The following RAB1A variants were observed in gnomAD, a reference collection of about 807,000 sequenced individuals.
RAB1A encodes RAB1A, member RAS oncogene family.
In RAB1A, 2 loss-of-function variants were observed where a neutral mutation model predicts 26.0. The observed-to-expected ratio is 0.08, with a 90% CI of 0.03 to 0.24. RAB1A has a LOEUF of 0.24. RAB1A is among the 10% of genes least tolerant of loss of function. RAB1A has a pLI of 1.00. For missense variants in RAB1A, 100 were observed against 247.0 expected (o/e 0.40, Z 3.99); for synonymous variants, 84 against 84.9 (o/e 0.99, Z 0.06).
intron 2 of RAB1A, among the ~76,000 whole-genome samples, chr2:65,104,122 G>A (rs1236891561): frequency 1.3e-5 from 2 of 152,136 alleles, no homozygotes; most frequent in South Asian, 2.1e-4. Context: ...GACTATGAAG[G>A]ACACTGTGGA....
chr2:65,115,017 T>C (rs998882174), intron 1 of RAB1A, among the ~76,000 whole-genome samples: 11 of 152,186 alleles, frequency 7.2e-5, no homozygotes, highest in African/African-American at 2.7e-4. Flanking sequence ...AGCCCCTTCT[T>C]GCTCTCTGTC....
At position 65,097,952 on chromosome 2, in the gene RAB1A, T is replaced by A; in HGVS notation, c.192+19A>T. 1 of 1,407,524 alleles carries A rather than the reference T, an allele frequency of 7.1e-7. No homozygotes were observed. The highest frequency in any genetic ancestry group is 9.7e-7 in the Non-Finnish European group (1 of 1,034,962). The allele number at this position is 1,407,524 out of a possible 1,614,324, so 87.2% of individuals were successfully genotyped here. A position where few individuals can be genotyped will look rare whatever the true frequency, so the allele number is the denominator to read the frequency against. On this transcript the variant is annotated intron_variant, in intron 3 of 5. Transcript: ENST00000409784. ...TTACCAAAATAAATTTCAAAAAAAT[T>A]ACTAGCCAAGTCACTTACTATTTGA... is the stretch of plus-strand genomic sequence containing the variant.
In RAB1A at chr2:65,119,092, T is replaced by C. The variant is rs1197432182; in HGVS notation, c.23+10801A>G. On this transcript the variant is annotated intron_variant, in intron 1 of 5. Transcript: ENST00000409784. The stretch of plus-strand genomic sequence containing the variant: ...CATGGGTGTGTGTCTATATTCCTAA[T>C]TACTCCAGGGGCTGAGATGGGAGGA... Among the ~76,000 whole-genome samples the C allele has an allele frequency of 2.6e-5, 4 of 151,828 alleles. No individual in the cohort carries two copies. In the East Asian group the frequency reaches 7.7e-4, roughly 29 times the overall value.
At chr2:65,106,398 ATTTT>A (rs759420821) in intron 1 of RAB1A, 27 of 339,740 alleles carry the variant, frequency 7.9e-5, no homozygotes, top group South Asian at 2.9e-4. Flanking sequence ...CATAAAACTT[ATTTT>A]TTTTGTTTTA....
In RAB1A at chr2:65,129,912, A is replaced by G. The variant is rs907769758; in HGVS notation, c.4T>C (p.Ser2Pro). 6 of 1,593,954 alleles carry G rather than the reference A, an allele frequency of 3.8e-6. No individual in the cohort carries two copies. The African/African-American group carries it at 8.1e-5, about 21-fold the overall frequency. Reference protein sequence around the residue: MSSMNPEYDYLF... With the variant: MPSMNPEYDYLF... Reference sequence around the variant, plus strand: ...ACTCACTATTCGGGATTCATGCTGGACATGTCACTGCAGCTGCCGCCGCCG... The same window carrying G: ...ACTCACTATTCGGGATTCATGCTGGGCATGTCACTGCAGCTGCCGCCGCCG... Residue 2 changes from serine (S) to proline (P), a missense_variant, in exon 1 of 6, where the codon TCC becomes CCC. Transcript: ENST00000409784.
chr2:65,095,607 T>C (rs988819717), intron 3 of RAB1A, among the ~76,000 whole-genome samples: 1 of 146,664 alleles, frequency 6.8e-6, no homozygotes, highest in Admixed American at 6.8e-5. Flanking sequence ...CAAGTGACTC[T>C]CTGACCTCGG....
intron 3 of RAB1A, among the ~76,000 whole-genome samples, chr2:65,092,622 T>G (rs910475390): frequency 6.6e-6 from 1 of 152,218 alleles, no homozygotes; most frequent in African/African-American, 2.4e-5. Context: ...CTGATTAAAG[T>G]AAGCAATGGC....
At chr2:65,089,128 C>T in intron 4 of RAB1A, 58 bp from the exon 5 acceptor site, 4 of 1,466,698 alleles carry the variant, frequency 2.7e-6, no homozygotes, top group Non-Finnish European at 3.7e-6. Flanking sequence ...CTGGAATAAA[C>T]AGAAACATCG....
intron 3 of RAB1A, among the ~76,000 whole-genome samples, chr2:65,097,604 G>T (rs1256023001): frequency 6.6e-6 from 1 of 152,046 alleles, no homozygotes; most frequent in Non-Finnish European, 1.5e-5. Flanking sequence ...TCTTCCTAGG[G>T]TTCCTTTAAT....
chr2:65,125,050 CA>C (rs66712908), intron 1 of RAB1A, among the ~76,000 whole-genome samples: 196 of 130,198 alleles, frequency 1.5e-3, no homozygotes, highest in Middle Eastern at 4.1e-3. Context: ...ACAATGCAAG[CA>C]AAAAAAAAAA....
chr2:65,116,140 G>C (rs1337343119), intron 1 of RAB1A, among the ~76,000 whole-genome samples: 2 of 152,058 alleles, frequency 1.3e-5, no homozygotes, highest in African/African-American at 4.8e-5. Context: ...CTGGACAACA[G>C]AGTGAGACTC....
In RAB1A at chr2:65,088,945, T is replaced by C. The variant is rs1329810853; in HGVS notation, c.414A>G (p.Thr138=). Residue 138 remains threonine, a synonymous_variant, in exon 5 of 6, where the codon ACA becomes ACG. Coordinates refer to ENST00000409784, the MANE Select transcript of RAB1A (RefSeq NM_004161.5). ...LTTKKVVDYT[T]AKEFADSLGI... Reference sequence around the variant, plus strand: ...AATTAAACTTTAAACATACCTTCGCTGTTGTGTAGTCTACTACTTTCTTTG... The same window carrying C: ...AATTAAACTTTAAACATACCTTCGCCGTTGTGTAGTCTACTACTTTCTTTG... 4 of 1,602,464 alleles carry C rather than the reference T, an allele frequency of 2.5e-6. No individual in the cohort carries two copies. In the South Asian group the frequency reaches 4.5e-5, roughly 18 times the overall value.
rs1223793033 is a variant in RAB1A, at chr2:65,099,880, CAAAT to C, written c.97-1818_97-1815del. On this transcript the variant is annotated intron_variant, in intron 2 of 5. Transcript: ENST00000409784. ...TTCTAATTACAGAAAGAGGGACAAA[CAAAT>C]AAGCATAAGGACATCACAAGGAAGC... Among the ~76,000 whole-genome samples, 12 of 152,208 alleles carry C rather than the reference CAAAT, an allele frequency of 7.9e-5. No individual in the cohort carries two copies. In the East Asian group the frequency reaches 9.6e-4, roughly 12 times the overall value.
intron 1 of RAB1A, among the ~76,000 whole-genome samples, chr2:65,120,390 A>G (rs1342285637): frequency 7.5e-6 from 1 of 133,906 alleles, no homozygotes; most frequent in African/African-American, 2.8e-5. Context: ...TGGGAGGTGG[A>G]GGTTGCAGTG....
intron 1 of RAB1A, among the ~76,000 whole-genome samples, chr2:65,122,140 A>T (rs2103880813): frequency 7.6e-6 from 1 of 132,250 alleles, no homozygotes; most frequent in South Asian, 2.4e-4. Flanking sequence ...TGGGTGACAG[A>T]GCAAGACTCT....
chr2:65,099,783 A>G (rs1054173469), intron 2 of RAB1A, among the ~76,000 whole-genome samples: 2 of 152,126 alleles, frequency 1.3e-5, no homozygotes, highest in Admixed American at 6.5e-5. Flanking sequence ...AACTTTTTCA[A>G]TTTTAATTAA....
intron 3 of RAB1A, among the ~76,000 whole-genome samples, chr2:65,092,322 A>ACTT (rs1669189821): frequency 2.6e-5 from 4 of 152,190 alleles, no homozygotes; most frequent in Non-Finnish European, 4.4e-5. Flanking sequence ...CCTTGGAGGA[A>ACTT]GCATGAACTC....
At chr2:65,115,022 T>A (rs538849330) in intron 1 of RAB1A, among the ~76,000 whole-genome samples, 11 of 152,200 alleles carry the variant, frequency 7.2e-5, no homozygotes, top group African/African-American at 2.7e-4. Flanking sequence ...CTTCTTGCTC[T>A]CTGTCTTGAC....
At chr2:65,089,877 A>G (rs955869632) in intron 4 of RAB1A, among the ~76,000 whole-genome samples, 3 of 151,762 alleles carry the variant, frequency 2.0e-5, no homozygotes, top group East Asian at 1.9e-4. Context: ...TAATTTTTGT[A>G]TTTTTACTAG....
Sources: allele counts gnomAD v4.1 joint callset (sites outside exome capture counted in the v4.1 genomes callset), GRCh38; gene constraint gnomAD v4.1.1; transcripts MANE v1.5; gene names NCBI Gene and HGNC (gene_info 2026-07-23, HGNC 2026-07-21).